Variants in SYN3 observed in about 807,000 individuals in gnomAD.
SYN3 encodes the protein synapsin III, also known as synapsin-3.
SYN3 carries 35 observed loss-of-function variants against 65.8 expected under a neutral mutation model. That is an observed-to-expected ratio of 0.53 (90% CI 0.41 to 0.70). The LOEUF (loss-of-function observed/expected upper bound fraction) is 0.70, where lower values mean the gene tolerates loss of function less well. SYN3 is among the 30% of genes least tolerant of loss of function. SYN3 has a pLI of 0.00. For synonymous variants in SYN3, 270 were observed against 292.9 expected (o/e 0.92, Z 0.80); for missense variants, 680 against 749.0 (o/e 0.91, Z 1.08).
chr22:32,930,220 G>A (rs975749349), intron 4 of SYN3, among the ~76,000 whole-genome samples: 2 of 152,168 alleles, frequency 1.3e-5, no homozygotes, highest in Admixed American at 1.3e-4. Context: ...GGGACCTGGT[G>A]GGAGGTAATT....
intron 4 of SYN3, among the ~76,000 whole-genome samples, chr22:32,890,882 C>A (rs945387994): frequency 1.3e-5 from 2 of 152,132 alleles, no homozygotes; most frequent in Non-Finnish European, 2.9e-5. Context: ...TCCCTACTAG[C>A]GTGTCCTCTT....
At chr22:32,699,601 G>GC (rs58830989) in intron 6 of SYN3, among the ~76,000 whole-genome samples, 152,231 of 152,232 alleles carry the variant, frequency 1, 76,115 homozygotes, top group Middle Eastern at 1. Flanking sequence ...AAGTCACATT[G>GC]CTCTCGGGGC....
At chr22:32,830,054 G>A (rs1231172795) in intron 6 of SYN3, among the ~76,000 whole-genome samples, 6 of 152,186 alleles carry the variant, frequency 3.9e-5, no homozygotes, top group Non-Finnish European at 8.8e-5. Flanking sequence ...CCAAACAAGA[G>A]TAAGTGGGGC....
intron 6 of SYN3, among the ~76,000 whole-genome samples, chr22:32,719,972 C>A (rs2061094042): frequency 6.6e-6 from 1 of 152,226 alleles, no homozygotes; most frequent in Admixed American, 6.5e-5. Flanking sequence ...CACTTTGAGT[C>A]TGCTGACAAT....
intron 6 of SYN3, among the ~76,000 whole-genome samples, chr22:32,679,314 G>C (rs1265144665): frequency 8.5e-6 from 1 of 117,428 alleles, no homozygotes; most frequent in Non-Finnish European, 1.7e-5. Flanking sequence ...GTCTCCCAAA[G>C]TGTTGAGATT....
intron 6 of SYN3, among the ~76,000 whole-genome samples, chr22:32,670,962 A>G (rs2060352631): frequency 1.3e-5 from 2 of 152,222 alleles, no homozygotes; most frequent in Admixed American, 1.3e-4. Context: ...AGCAAGAGCA[A>G]TTCTATTGAC....
chr22:32,906,825 A>G (rs1340904821), intron 4 of SYN3, among the ~76,000 whole-genome samples: 1 of 152,158 alleles, frequency 6.6e-6, no homozygotes, highest in Non-Finnish European at 1.5e-5. Context: ...TGTCCCTACA[A>G]AGGACATGAA....
intron 3 of SYN3, among the ~76,000 whole-genome samples, chr22:32,965,462 G>A (rs937490065): frequency 6.6e-6 from 1 of 152,026 alleles, no homozygotes; most frequent in Non-Finnish European, 1.5e-5. Flanking sequence ...TAAGTGTCCT[G>A]CCAGCCTCCC....
intron 6 of SYN3, among the ~76,000 whole-genome samples, chr22:32,710,510 G>A (rs1421989894): frequency 2.0e-5 from 3 of 151,880 alleles, no homozygotes; most frequent in African/African-American, 4.8e-5. Context: ...GCACATGCCT[G>A]TAATCCCAGC....
intron 6 of SYN3, among the ~76,000 whole-genome samples, chr22:32,650,750 C>G (rs1217880465): frequency 1.3e-5 from 2 of 152,156 alleles, no homozygotes; most frequent in Admixed American, 1.3e-4. Context: ...CTCTGACTCA[C>G]TATGCCGCGT....
chr22:32,800,538 C>T lies in SYN3; in HGVS notation c.711+64377G>A, dbSNP rs543689876. ...TAATACGGTGAGATACAGAATCCTG[C>T]TTTTAAAAATACAAAGCAGAATCAA... On this transcript the variant is annotated intron_variant, in intron 6 of 13. Coordinates refer to ENST00000358763, the MANE Select transcript of SYN3 (RefSeq NM_003490.4). Among the ~76,000 whole-genome samples, 45 of 152,316 alleles carry T rather than the reference C, an allele frequency of 3.0e-4. 1 individual carries two copies. In the South Asian group the frequency reaches 8.7e-3, roughly 30 times the overall value.
intron 7 of SYN3, among the ~76,000 whole-genome samples, chr22:32,589,262 C>G (rs907959895): frequency 6.6e-5 from 10 of 152,324 alleles, no homozygotes; most frequent in Admixed American, 4.6e-4. Flanking sequence ...TGCTCTGCAT[C>G]AACATGATAT....
At position 32,971,944 on chromosome 22, in the gene SYN3, C is replaced by T. The variant is rs145936107; in HGVS notation, c.369+8701G>A. On this transcript the variant is annotated intron_variant, in intron 3 of 13. Coordinates refer to ENST00000358763, the MANE Select transcript of SYN3 (RefSeq NM_003490.4). The stretch of plus-strand genomic sequence containing the variant: ...GCAAGAAGCTCTGAAGCCGGACAGC[C>T]CTTCAGAGTTATCCCAAACTGGGGT... 2.5e-4 allele frequency among the ~76,000 whole-genome samples: 38 copies of T among 152,264 alleles called. 1 individual carries two copies. The East Asian group carries it at 7.2e-3, about 29-fold the overall frequency.
intron 6 of SYN3, among the ~76,000 whole-genome samples, chr22:32,761,896 G>A (rs573353270): frequency 1.3e-5 from 2 of 152,252 alleles, no homozygotes; most frequent in South Asian, 2.1e-4. Context: ...GGAGATTGTC[G>A]GATACGGGAT....
intron 3 of SYN3, among the ~76,000 whole-genome samples, chr22:32,941,476 A>G (rs542094152): frequency 1.5e-4 from 23 of 152,304 alleles, no homozygotes; most frequent in African/African-American, 5.5e-4. Flanking sequence ...GCCGGTTCCA[A>G]GATGGCTGAA....
chr22:32,812,300 G>C (rs952660583), intron 6 of SYN3, among the ~76,000 whole-genome samples: 1 of 152,156 alleles, frequency 6.6e-6, no homozygotes, highest in Non-Finnish European at 1.5e-5. Flanking sequence ...TAAGGTAAGA[G>C]CCAGGATTTC....
intron 2 of SYN3, among the ~76,000 whole-genome samples, chr22:32,987,193 G>T (rs1023191075): frequency 6.6e-6 from 1 of 152,110 alleles, no homozygotes; most frequent in African/African-American, 2.4e-5. Flanking sequence ...ACCCCCACTG[G>T]GGGTGGAGTG....
intron 6 of SYN3, among the ~76,000 whole-genome samples, chr22:32,819,011 G>C (rs763481144): frequency 1.1e-4 from 17 of 152,196 alleles, no homozygotes; most frequent in Non-Finnish European, 2.1e-4. Flanking sequence ...AAATAACCTC[G>C]AGGCTGGCCT....
chr22:32,674,531 T>C (rs2060414429), intron 6 of SYN3, among the ~76,000 whole-genome samples: 1 of 152,124 alleles, frequency 6.6e-6, no homozygotes, highest in South Asian at 2.1e-4. Flanking sequence ...GTTTGTTGAA[T>C]GGGAAAATGA....
Sources: allele counts gnomAD v4.1 joint callset (sites outside exome capture counted in the v4.1 genomes callset), GRCh38; gene constraint gnomAD v4.1.1; transcripts MANE v1.5; gene names NCBI Gene and HGNC (gene_info 2026-07-23, HGNC 2026-07-21).